PLCG2: variants seen among roughly 807,000 people sequenced by gnomAD.
PLCG2 encodes the protein phospholipase C gamma 2, also known as 1-phosphatidylinositol 4,5-bisphosphate phosphodiesterase gamma-2.
Under a neutral mutation model 175.6 loss-of-function variants are expected in PLCG2, and 69 were observed. That is an observed-to-expected ratio of 0.39 (90% CI 0.32 to 0.48). The LOEUF is 0.48. Among genes scored for constraint, PLCG2 ranks in the 20% least tolerant of loss-of-function variants. The probability of loss-of-function intolerance (pLI) is 0.91; values close to 1 mark genes in which losing one functional copy is unlikely to be tolerated. For missense variants in PLCG2, 1,798 were observed against 1,650.9 expected, an observed-to-expected ratio of 1.09 and a Z score of -1.54; for synonymous variants, 827 against 624.0, an observed-to-expected ratio of 1.33 and a Z score of -4.85.
At chr16:81,758,942 T>C (rs570306596) in intron 2 of PLCG2, among the ~76,000 whole-genome samples, 2 of 152,324 alleles carry the variant, frequency 1.3e-5, no homozygotes, top group South Asian at 4.1e-4. Context: ...CCTCCCAAAG[T>C]GCTGAGATTA....
chr16:81,783,269 G>T (rs1910822849), intron 1 of PLCG2: 5 of 288,706 alleles, frequency 1.7e-5, no homozygotes, highest in Non-Finnish European at 2.7e-5. Context: ...TTGGCAGCTG[G>T]GTCAAATCCA....
Position 81,957,353 on chromosome 16 carries a change from T to C in PLCG2, c.3755+474T>C, listed in dbSNP as rs142126670. Among the ~76,000 whole-genome samples, 396 of 152,312 alleles carry C rather than the reference T, an allele frequency of 2.6e-3. 4 individuals carry two copies. Among genetic ancestry groups the C allele is most frequent in the African/African-American group, 9.0e-3 (375 of 41,562 alleles). ...CCTTTGGCACCCTTGACTCTAGTTC[T>C]CTTTGTTCTAGAAATTAACCTACAG... On this transcript the variant is annotated intron_variant, in intron 32 of 32. Transcript: ENST00000564138.
chr16:81,831,523 A>G (rs1206914755), intron 2 of PLCG2, among the ~76,000 whole-genome samples: 1 of 152,206 alleles, frequency 6.6e-6, no homozygotes, highest in Non-Finnish European at 1.5e-5. Flanking sequence ...ACCTGGGGAC[A>G]TGGTGGGGTT....
intron 1 of PLCG2, among the ~76,000 whole-genome samples, chr16:81,744,096 A>T (rs9937275): frequency 6.6e-6 from 1 of 150,494 alleles, no homozygotes. Flanking sequence ...CTGACCTCGT[A>T]ATCCACCCGC....
In PLCG2 at chr16:81,854,496, C is replaced by A; in HGVS notation, c.246C>A (p.Phe82Leu). ...GCCCAGGGAAGAACTCCAAAGATTT[C>A]GAGCGAGCAAAAGCAGTTCGCCAGA... ...EIRPGKNSKD[F>L]ERAKAVRQKE... is the part of the protein sequence containing the mutation. Residue 82 changes from phenylalanine to leucine, a missense_variant, in exon 3 of 33, where the codon TTC becomes TTA. Phe to Leu is a conservative substitution (Grantham distance 22). Transcript: ENST00000564138. 1 of 1,613,984 alleles carries A rather than the reference C, an allele frequency of 6.2e-7. No individual in the cohort carries two copies. The highest frequency in any genetic ancestry group is 8.5e-7 in the Non-Finnish European group (1 of 1,179,838).
At chr16:81,844,143 A>ATTTTTTTTT (rs60183943) in intron 2 of PLCG2, among the ~76,000 whole-genome samples, 1 of 93,910 alleles carries the variant, frequency 1.1e-5, no homozygotes, top group African/African-American at 4.1e-5. Flanking sequence ...CACCCGGCTG[A>ATTTTTTTTT]TTTTTTTTTT....
chr16:81,912,840 C>T, intron 19 of PLCG2, 124 bp downstream of exon 19: 1 of 1,195,286 alleles, frequency 8.4e-7, no homozygotes. Context: ...GCATCAGCGA[C>T]AACAACAACC....
In PLCG2 at chr16:81,901,292, G is replaced by A. The variant is rs116786455; in HGVS notation, c.1362+512G>A. ...AGAGCTGATGTTCCCAGCACTGCAG[G>A]GGAGATGGGTGATTATATCTGTGCC... On this transcript the variant is annotated intron_variant, in intron 14 of 32. Coordinates refer to ENST00000564138, the MANE Select transcript of PLCG2 (RefSeq NM_002661.5). Among the ~76,000 whole-genome samples, 740 of 152,324 alleles carry A rather than the reference G, an allele frequency of 4.9e-3. 5 individuals are homozygous for A. The highest frequency in any genetic ancestry group is 0.017 in the African/African-American group (691 of 41,572).
Position 81,870,898 on chromosome 16 carries a change from T to A in PLCG2, c.611T>A (p.Leu204His), listed in dbSNP as rs760656022. 2 of 1,603,760 alleles carry A rather than the reference T, an allele frequency of 1.2e-6. No homozygotes were observed. The highest frequency in any genetic ancestry group is 2.2e-5 in the South Asian group (2 of 89,432). ...KDELSFEQFH[L>H]FYKKLMFEQQ... ...GAGCTCAGCTTTGAACAGTTCCATC[T>A]CTTCTATAAAAAACTTATGTTTGAA... The change falls in exon 7 of 33, where the codon CTC becomes CAC. Residue 204 changes from leucine to histidine, a missense_variant. Leu to His is a moderately conservative substitution (Grantham distance 99). Coordinates refer to ENST00000564138, the MANE Select transcript of PLCG2 (RefSeq NM_002661.5).
At chr16:81,833,246 T>G (rs1322746508) in intron 2 of PLCG2, among the ~76,000 whole-genome samples, 3 of 152,232 alleles carry the variant, frequency 2.0e-5, no homozygotes, top group African/African-American at 7.2e-5. Context: ...TTTACCTTTC[T>G]GTGGGGGCCA....
chr16:81,803,092 T>A, intron 2 of PLCG2, among the ~76,000 whole-genome samples: 1 of 151,316 alleles, frequency 6.6e-6, no homozygotes, highest in Admixed American at 6.6e-5. Context: ...TTTCTCACAA[T>A]ACATGGCTTT....
intron 10 of PLCG2, among the ~76,000 whole-genome samples, chr16:81,889,973 T>A (rs1239202379): frequency 1.3e-5 from 2 of 151,978 alleles, no homozygotes; most frequent in Admixed American, 6.6e-5. Flanking sequence ...GGTTTTTTTT[T>A]AAAGATTGTT....
chr16:81,746,868 A>T lies in PLCG2; in HGVS notation c.-145+7483A>T, dbSNP rs144514474. The stretch of plus-strand genomic sequence containing the variant: ...ACAGATGTGCTTTGTAACCAGGAGT[A>T]TGAATTCTGCTCCAGGAGAGCACGG... On this transcript the variant is annotated intron_variant, in intron 1 of 5. Transcript: ENST00000565054. Among the ~76,000 whole-genome samples, 603 of 152,268 alleles carry T rather than the reference A, an allele frequency of 4.0e-3. 3 individuals carry two copies. The highest frequency in any genetic ancestry group is 0.02 in the Middle Eastern group (6 of 294).
intron 22 of PLCG2, among the ~76,000 whole-genome samples, chr16:81,925,208 C>T (rs930437543): frequency 3.9e-5 from 6 of 152,180 alleles, no homozygotes; most frequent in South Asian, 2.1e-4. Flanking sequence ...AACCGCCCAG[C>T]GGCTGTGGTC....
At chr16:81,950,811 G>A (rs1232398511) in intron 31 of PLCG2, among the ~76,000 whole-genome samples, 1 of 152,184 alleles carries the variant, frequency 6.6e-6, no homozygotes, top group Admixed American at 6.5e-5. Flanking sequence ...GAAGAGGAAA[G>A]TGCTTGCCTT....
In PLCG2 at chr16:81,931,482, T is replaced by C. The variant is rs1910500401; in HGVS notation, c.2582-15T>C. On this transcript the variant is annotated splice_polypyrimidine_tract_variant and intron_variant, in intron 24 of 32. Coordinates refer to ENST00000564138, the MANE Select transcript of PLCG2 (RefSeq NM_002661.5). ...AATAGGCTGATTGGGACATTTCTTA[T>C]TCTCTTACCCCAAGTGAAAGCCCCT... is the stretch of plus-strand genomic sequence containing the variant. 6.2e-7 allele frequency: 1 copy of C among 1,612,770 alleles called. No individual in the cohort carries two copies. The highest frequency in any genetic ancestry group is 8.5e-7 in the Non-Finnish European group (1 of 1,179,086).
chr16:81,897,241 AT>A (rs1323953988), intron 13 of PLCG2, among the ~76,000 whole-genome samples: 3 of 152,264 alleles, frequency 2.0e-5, no homozygotes, highest in Non-Finnish European at 4.4e-5. Flanking sequence ...CTATAGGCTC[AT>A]TGGAATGATA....
chr16:81,958,267 C>A lies in PLCG2; in HGVS notation c.*269C>A, dbSNP rs950073193. 3.2e-5 allele frequency: 15 copies of A among 467,036 alleles called. No homozygotes were observed. The highest frequency in any genetic ancestry group is 2.8e-4 in the Admixed American group (8 of 28,382). 28.9% of individuals were successfully genotyped at this position (467,036 alleles called of 1,614,324 possible). ...TTTTGGCCTCTCATGTTCCAAACCTCATTGAATAAAAGCAATGAAAACCTT... is the reference window on the plus strand; with the variant it reads ...TTTTGGCCTCTCATGTTCCAAACCTAATTGAATAAAAGCAATGAAAACCTT... On this transcript the variant is annotated 3_prime_UTR_variant, in exon 33 of 33. Coordinates refer to ENST00000564138, the MANE Select transcript of PLCG2 (RefSeq NM_002661.5).
chr16:81,858,501 C>T (rs1202966618), intron 4 of PLCG2, 145 bp downstream of exon 4: 2 of 660,184 alleles, frequency 3.0e-6, no homozygotes, highest in Non-Finnish European at 5.6e-6. Context: ...GCAATGGGTG[C>T]CTAGTAGCGG....
Sources: gnomAD v4.1 joint callset for allele counts (sites outside exome capture counted in the v4.1 genomes callset) on GRCh38, gnomAD v4.1.1 for gene constraint, MANE v1.5 for transcripts, NCBI Gene and HGNC (gene_info 2026-07-23, HGNC 2026-07-21) for gene names.